GLB1L2: variants seen among roughly 807,000 people sequenced by gnomAD.
GLB1L2 encodes beta-galactosidase-1-like protein 2.
Under a neutral mutation model 84.1 loss-of-function variants are expected in GLB1L2, and 68 were observed. That is an observed-to-expected ratio of 0.81 (90% CI 0.67 to 0.99). The LOEUF is 0.99. GLB1L2 is among the 50% of genes least tolerant of loss of function. The pLI is 0.00. For synonymous variants in GLB1L2, 290 were observed against 318.0 expected (o/e 0.91, Z 0.94); for missense variants, 762 against 805.6 (o/e 0.95, Z 0.66).
intron 7 of GLB1L2, chr11:134,360,798 T>C (rs1943774166): frequency 6.6e-6 from 1 of 152,246 alleles, no homozygotes; most frequent in Admixed American, 6.5e-5. Flanking sequence ...ACTTTTTCTT[T>C]GGATATTTTC....
intron 8 of GLB1L2, among the ~76,000 whole-genome samples, chr11:134,366,125 G>T (rs1222003091): frequency 1.3e-5 from 2 of 152,220 alleles, no homozygotes; most frequent in African/African-American, 4.8e-5. Flanking sequence ...TGGCCCATGG[G>T]TGGACACCCA....
intron 1 of GLB1L2, among the ~76,000 whole-genome samples, chr11:134,341,859 T>C (rs1943466596): frequency 6.6e-6 from 1 of 151,736 alleles, no homozygotes; most frequent in Non-Finnish European, 1.5e-5. Context: ...TCTTGTGCAG[T>C]GGGGCCCGGC....
chr11:134,356,513 T>C (rs1004426835), intron 6 of GLB1L2, 120 bp downstream of exon 6: 22 of 665,512 alleles, frequency 3.3e-5, no homozygotes, highest in Non-Finnish European at 5.5e-5. Context: ...CATCATGTAT[T>C]AGTGAATTTT....
At position 134,369,905 on chromosome 11, in the gene GLB1L2, C is replaced by A. The variant is rs373853369; in HGVS notation, c.1108+20C>A. On this transcript the variant is annotated intron_variant, in intron 11 of 18. Transcript: ENST00000535456. ...TCTCAGGTACCCAGCAGACAGCAGA[C>A]TCAAGTTCCAACTCAGGCCCTCGCT... 2 of 1,606,758 alleles carry A rather than the reference C, an allele frequency of 1.2e-6. No homozygotes were observed. The highest frequency in any genetic ancestry group is 1.1e-5 in the South Asian group (1 of 90,912).
chr11:134,333,127 G>T (rs1186943909), intron 1 of GLB1L2, among the ~76,000 whole-genome samples: 1 of 152,284 alleles, frequency 6.6e-6, no homozygotes, highest in East Asian at 1.9e-4. Context: ...GAAGTCCTTT[G>T]TGGCCAGAAG....
intron 5 of GLB1L2, among the ~76,000 whole-genome samples, chr11:134,351,045 A>G (rs1419167184): frequency 6.6e-6 from 1 of 152,222 alleles, no homozygotes; most frequent in Non-Finnish European, 1.5e-5. Context: ...TTGCTCTGGC[A>G]GGACTTCCAG....
intron 2 of GLB1L2, among the ~76,000 whole-genome samples, chr11:134,343,411 A>G (rs995452435): frequency 6.6e-6 from 1 of 152,210 alleles, no homozygotes; most frequent in Non-Finnish European, 1.5e-5. Flanking sequence ...CATGGTAGGC[A>G]CGCACTAAAA....
intron 8 of GLB1L2, 163 bp downstream of exon 8, chr11:134,364,561 G>A (rs1943841026): frequency 3.2e-6 from 2 of 623,172 alleles, no homozygotes; most frequent in African/African-American, 1.8e-5. Flanking sequence ...AAGGCCCGCT[G>A]CCCAGAAACA....
intron 1 of GLB1L2, among the ~76,000 whole-genome samples, chr11:134,335,856 T>C (rs543362058): frequency 6.6e-6 from 1 of 152,174 alleles, no homozygotes; most frequent in African/African-American, 2.4e-5. Flanking sequence ...TTGAGAACAT[T>C]TGGACCTGAA....
At chr11:134,355,637 C>G (rs375367124) in intron 5 of GLB1L2, among the ~76,000 whole-genome samples, 10 of 152,184 alleles carry the variant, frequency 6.6e-5, no homozygotes, top group African/African-American at 2.2e-4. Flanking sequence ...CTCACCCCAG[C>G]TTCTTCTTGT....
intron 1 of GLB1L2, among the ~76,000 whole-genome samples, chr11:134,332,359 C>T (rs1236585361): frequency 6.6e-6 from 1 of 152,094 alleles, no homozygotes; most frequent in Admixed American, 6.5e-5. Flanking sequence ...GGGCGACACC[C>T]GGCGTGCCCT....
In GLB1L2 at chr11:134,338,444, C is replaced by G. The variant is rs1390207434; in HGVS notation, c.87-4310C>G. 6.6e-6 allele frequency among the ~76,000 whole-genome samples: 1 copy of G among 152,160 alleles called. No homozygotes were observed. Among genetic ancestry groups the G allele is most frequent in the Non-Finnish European group, 1.5e-5 (1 of 68,026 alleles). On this transcript the variant is annotated intron_variant, in intron 1 of 18. Coordinates refer to ENST00000535456, the MANE Select transcript of GLB1L2 (RefSeq NM_001370461.1). The surrounding 1 kb of genome is among the most constrained non-coding windows in gnomAD (Gnocchi z 6.2). ...TGAAACTTGACAGCCAGTCCCATTCCCAGAAAGAGGTGGTGACCTTGCCAC... is the reference window on the plus strand; with the variant it reads ...TGAAACTTGACAGCCAGTCCCATTCGCAGAAAGAGGTGGTGACCTTGCCAC...
At position 134,347,117 on chromosome 11, in the gene GLB1L2, T is replaced by C. The variant is rs950214433; in HGVS notation, c.450-208T>C. The C allele has an allele frequency of 7.4e-6, 4 of 544,070 alleles. No homozygotes were observed. In the Middle Eastern group the frequency reaches 1.5e-3, roughly 208 times the overall value. 33.7% of individuals were successfully genotyped at this position (544,070 alleles called of 1,614,324 possible). On this transcript the variant is annotated intron_variant, in intron 4 of 18. Transcript: ENST00000535456. ...ATGAACTTCCACCAGGCTGTGTCCT[T>C]GGGGAGGGAAGCTGCAGGAGTGCGG...
intron 8 of GLB1L2, 134 bp from the exon 9 acceptor site, chr11:134,367,123 G>T (rs1001900050): frequency 1.2e-6 from 1 of 804,216 alleles, no homozygotes; most frequent in South Asian, 1.5e-5. Context: ...CACCTCCAAA[G>T]ACCTCTAAGG....
chr11:134,340,300 A>ATGTGCG (rs1478163128), intron 1 of GLB1L2, among the ~76,000 whole-genome samples: 7 of 151,982 alleles, frequency 4.6e-5, no homozygotes, highest in African/African-American at 1.5e-4. Flanking sequence ...GTGCATGTGC[A>ATGTGCG]TGTGTGTGTG....
Position 134,370,230 on chromosome 11 carries a change from G to A in GLB1L2, c.1109-63G>A, listed in dbSNP as rs1943929755. 3 of 1,370,200 alleles carry A rather than the reference G, an allele frequency of 2.2e-6. No homozygotes were observed. Among genetic ancestry groups the A allele is most frequent in the Non-Finnish European group, 3.1e-6 (3 of 959,178 alleles). The allele number at this position is 1,370,200 out of a possible 1,614,324, so 84.9% of individuals were successfully genotyped here. The stretch of plus-strand genomic sequence containing the variant: ...CGGGTCTGTGGATGGGAGCCGGGTG[G>A]GGAGGACGAGCAGGCAGTGACATTT... On this transcript the variant is annotated intron_variant, in intron 11 of 18. Coordinates refer to ENST00000535456, the MANE Select transcript of GLB1L2 (RefSeq NM_001370461.1). This position sits in a 1 kb window ranked among gnomAD's most constrained non-coding sequence, Gnocchi z 4.7.
chr11:134,342,920 A>C lies in GLB1L2; in HGVS notation c.253A>C (p.Met85Leu), dbSNP rs1168666722. 4 of 1,613,688 alleles carry C rather than the reference A, an allele frequency of 2.5e-6. No homozygotes were observed. The African/African-American group carries it at 5.3e-5, about 22-fold the overall frequency. Reference protein sequence around the residue: ...REYWRDRLLKMKACGLNTLTT... With the variant: ...REYWRDRLLKLKACGLNTLTT... ...GTACTGGAGGGACCGCCTGCTGAAG[A>C]TGAAGGCCTGTGGCTTGAACACCCT... The change falls in exon 2 of 19, where the codon ATG becomes CTG. Residue 85 changes from methionine to leucine, a missense_variant. Transcript: ENST00000535456.
chr11:134,352,433 CATT>C (rs1359222162), intron 5 of GLB1L2, among the ~76,000 whole-genome samples: 2 of 151,948 alleles, frequency 1.3e-5, no homozygotes, highest in African/African-American at 4.8e-5. Context: ...TCTATTCTCT[CATT>C]GTCTATCTCT....
Position 134,366,806 on chromosome 11 carries a change from C to T in GLB1L2, c.805-451C>T, listed in dbSNP as rs536665508. Among the ~76,000 whole-genome samples, 3 of 151,660 alleles carry T rather than the reference C, an allele frequency of 2.0e-5. No homozygotes were observed. In the East Asian group the frequency reaches 5.8e-4, roughly 29 times the overall value. ...AACTGAGTTGGACCTTGAAGAGGGC[C>T]CACTCTGCAGCGTCTGATTTTTCTG... On this transcript the variant is annotated intron_variant, in intron 8 of 18. Transcript: ENST00000535456.
Sources: allele counts gnomAD v4.1 joint callset (sites outside exome capture counted in the v4.1 genomes callset), GRCh38; gene constraint gnomAD v4.1.1; non-coding constraint Gnocchi (gnomAD v3.1); transcripts MANE v1.5; gene names NCBI Gene and HGNC (gene_info 2026-07-23, HGNC 2026-07-21).